TMEM117: variants seen among roughly 807,000 people sequenced by gnomAD.
TMEM117 encodes the protein transmembrane protein 117.
In TMEM117, 27 loss-of-function variants were observed where a neutral mutation model predicts 52.4. The ratio of observed to expected loss-of-function variants is 0.51; its 90% CI spans 0.38 to 0.71. TMEM117 has a LOEUF of 0.71. Among genes scored for constraint, TMEM117 ranks in the 30% least tolerant of loss-of-function variants. The pLI is 0.00. For synonymous variants in TMEM117, 215 were observed against 206.3 expected (o/e 1.04, Z -0.36); for missense variants, 556 against 630.5 (o/e 0.88, Z 1.26).
intron 7 of TMEM117, among the ~76,000 whole-genome samples, chr12:44,377,116 G>A (rs939242204): frequency 7.2e-5 from 11 of 152,174 alleles, no homozygotes; most frequent in African/African-American, 2.7e-4. Context: ...GTAGTCCTTA[G>A]CTGAGCAGCC....
chr12:44,174,264 T>G (rs1187254504), intron 4 of TMEM117, among the ~76,000 whole-genome samples: 1 of 152,204 alleles, frequency 6.6e-6, no homozygotes, highest in Admixed American at 6.5e-5. Context: ...ACCATTGTTT[T>G]TTGTAAATAA....
intron 5 of TMEM117, among the ~76,000 whole-genome samples, chr12:44,265,872 C>G (rs1400978134): frequency 6.6e-6 from 1 of 152,110 alleles, no homozygotes; most frequent in East Asian, 1.9e-4. Flanking sequence ...TTTAGCTAGT[C>G]TTTCACTTAG....
chr12:44,213,189 A>G (rs1949669868), intron 5 of TMEM117, among the ~76,000 whole-genome samples: 1 of 152,100 alleles, frequency 6.6e-6, no homozygotes, highest in South Asian at 2.1e-4. Flanking sequence ...CTATATCTTT[A>G]TTTATTTAAT....
intron 5 of TMEM117, among the ~76,000 whole-genome samples, chr12:44,279,418 TG>T (rs1950551835): frequency 1.3e-5 from 2 of 152,156 alleles, no homozygotes; most frequent in Admixed American, 6.6e-5. Context: ...AGAGAGACCC[TG>T]GGAGCAGAAC....
chr12:44,211,418 C>A (rs1949643643), intron 5 of TMEM117, 31 bp downstream of exon 5: 2 of 1,498,172 alleles, frequency 1.3e-6, no homozygotes, highest in African/African-American at 1.4e-5. Flanking sequence ...TTTATTTCTG[C>A]CTTGCCTCAT....
chr12:44,301,403 A>G (rs1049057364), intron 6 of TMEM117, among the ~76,000 whole-genome samples: 1 of 152,012 alleles, frequency 6.6e-6, no homozygotes, highest in Admixed American at 6.6e-5. Flanking sequence ...AAAAAATATC[A>G]TAACAATGTA....
At chr12:44,187,525 C>T (rs1430664756) in intron 4 of TMEM117, among the ~76,000 whole-genome samples, 1 of 152,086 alleles carries the variant, frequency 6.6e-6, no homozygotes, top group African/African-American at 2.4e-5. Context: ...AATGTTTTTG[C>T]ATTAATACTA....
Position 44,211,295 on chromosome 12 carries a change from T to G in TMEM117, c.516T>G (p.Thr172=). The G allele has an allele frequency of 6.2e-7, 1 of 1,608,498 alleles. No individual in the cohort carries two copies. The highest frequency in any genetic ancestry group is 8.5e-7 in the Non-Finnish European group (1 of 1,177,178). ...MGDFVTAWMV[T]DMMLQDKPYP... is the part of the protein sequence containing the mutation. ...AGTTCCTTTCATTGCTTCAGGTCAC[T>G]GATATGATGCTTCAGGACAAACCCT... Residue 172 remains threonine (T), a synonymous_variant, in exon 5 of 8, where the codon ACT becomes ACG. Coordinates refer to ENST00000266534, the MANE Select transcript of TMEM117 (RefSeq NM_032256.3).
chr12:43,888,540 TTTC>T (rs1330952080), intron 2 of TMEM117, among the ~76,000 whole-genome samples: 5 of 107,294 alleles, frequency 4.7e-5, no homozygotes, highest in Admixed American at 1.4e-4. Context: ...GCACATTAGT[TTTC>T]TTTTTTTTTT....
At chr12:44,138,130 T>C (rs1948518782) in intron 3 of TMEM117, among the ~76,000 whole-genome samples, 1 of 152,134 alleles carries the variant, frequency 6.6e-6, no homozygotes, top group African/African-American at 2.4e-5. Flanking sequence ...GCAAGCTTAA[T>C]CTTTTCTGGT....
At chr12:44,376,275 C>T (rs73090681) in intron 6 of TMEM117, among the ~76,000 whole-genome samples, 5,025 of 152,232 alleles carry the variant, frequency 0.033, 99 homozygotes, top group Middle Eastern at 0.13. Flanking sequence ...GGATCACTTC[C>T]TTCCTAAAAA....
At chr12:44,368,857 T>C (rs74939206) in intron 6 of TMEM117, among the ~76,000 whole-genome samples, 2,066 of 152,220 alleles carry the variant, frequency 0.014, 46 homozygotes, top group African/African-American at 0.047. Flanking sequence ...GGAACATGCA[T>C]TTGAGTAAGA....
intron 3 of TMEM117, among the ~76,000 whole-genome samples, chr12:44,056,873 G>A (rs1169090312): frequency 3.3e-5 from 5 of 152,126 alleles, no homozygotes; most frequent in Non-Finnish European, 5.9e-5. Flanking sequence ...TTTTACAGAT[G>A]AAGAAACTGA....
chr12:44,136,454 T>G (rs1392622038), intron 3 of TMEM117, among the ~76,000 whole-genome samples: 1 of 152,164 alleles, frequency 6.6e-6, no homozygotes. Flanking sequence ...GAATTAGTTT[T>G]GAGGCTATAT....
intron 3 of TMEM117, among the ~76,000 whole-genome samples, chr12:43,962,129 G>A (rs1230613284): frequency 1.3e-5 from 2 of 152,144 alleles, no homozygotes; most frequent in Non-Finnish European, 2.9e-5. Context: ...CCTGAGTTAG[G>A]AATGTCTACA....
the TMEM117 span, among the ~76,000 whole-genome samples, chr12:43,813,231 G>GTTGTTTTTTTGT: frequency 5.9e-4 from 37 of 62,666 alleles, no homozygotes; most frequent in African/African-American, 2.1e-3. Context: ...GTTTTCTCTT[G>GTTGTTTTTTTGT]TTTTTTTTTT....
At chr12:43,814,445 A>G in the TMEM117 span, among the ~76,000 whole-genome samples, 8 of 152,232 alleles carry the variant, frequency 5.3e-5, no homozygotes, top group East Asian at 1.5e-3. Context: ...TCTAGATGTT[A>G]TCTCACCTAA....
At chr12:44,069,252 A>G (rs1947265445) in intron 3 of TMEM117, among the ~76,000 whole-genome samples, 1 of 152,200 alleles carries the variant, frequency 6.6e-6, no homozygotes, top group Non-Finnish European at 1.5e-5. Context: ...TGTAAAACCT[A>G]CACTTTGCAG....
chr12:44,271,831 G>A (rs117258542), intron 5 of TMEM117, among the ~76,000 whole-genome samples: 1 of 151,818 alleles, frequency 6.6e-6, no homozygotes, highest in Non-Finnish European at 1.5e-5. Flanking sequence ...TTTCCAAACG[G>A]TATATATGAT....
Sources: allele counts gnomAD v4.1 joint callset (sites outside exome capture counted in the v4.1 genomes callset), GRCh38; gene constraint gnomAD v4.1.1; transcripts MANE v1.5; gene names NCBI Gene and HGNC (gene_info 2026-07-23, HGNC 2026-07-21).